Variants in THADA observed in about 807,000 individuals in gnomAD.
The protein encoded by THADA is tRNA (32-2'-O)-methyltransferase regulator THADA.
Under a neutral mutation model 219.8 loss-of-function variants are expected in THADA, and 213 were observed. That is an observed-to-expected ratio of 0.97 (90% confidence interval 0.87 to 1.09). The LOEUF (loss-of-function observed/expected upper bound fraction) is 1.09. Ranked by LOEUF, THADA falls within the 50% of genes least tolerant of loss-of-function variation. The probability of loss-of-function intolerance (pLI) is 0.00; values close to 1 mark genes in which losing one functional copy is unlikely to be tolerated. For synonymous variants in THADA, 1,018 were observed against 828.9 expected, an observed-to-expected ratio of 1.23 and a Z score of -3.92; for missense variants, 2,956 against 2,311.3, an observed-to-expected ratio of 1.28 and a Z score of -5.72.
chr2:43,260,887 T>A (rs535569738), intron 36 of THADA, among the ~76,000 whole-genome samples: 1 of 152,336 alleles, frequency 6.6e-6, no homozygotes, highest in Admixed American at 6.5e-5. Context: ...AACTTTTAAG[T>A]CTGGTATTTA....
intron 29 of THADA, among the ~76,000 whole-genome samples, chr2:43,380,905 C>T (rs145716506): frequency 9.9e-5 from 15 of 152,010 alleles, no homozygotes; most frequent in Non-Finnish European, 1.6e-4. Context: ...TCGAGACCAG[C>T]CTGGCCAACA....
chr2:43,474,871 G>C (rs944267386), intron 26 of THADA, among the ~76,000 whole-genome samples: 6 of 152,164 alleles, frequency 3.9e-5, no homozygotes, highest in African/African-American at 1.4e-4. Context: ...TTTCTCAAGA[G>C]AAGTTAGTCT....
intron 31 of THADA, among the ~76,000 whole-genome samples, chr2:43,298,886 T>C (rs959665769): frequency 6.6e-6 from 1 of 152,158 alleles, no homozygotes; most frequent in African/African-American, 2.4e-5. Flanking sequence ...GACTTGAGTA[T>C]TAACTCTTTA....
chr2:43,320,653 T>C (rs928145027), intron 30 of THADA, 113 bp from the exon 31 acceptor site: 4 of 655,058 alleles, frequency 6.1e-6, no homozygotes, highest in Non-Finnish European at 7.6e-6. Context: ...TAAGCAGCTA[T>C]GGCAAATATT....
chr2:43,550,781 C>T (rs1482185116), intron 19 of THADA, among the ~76,000 whole-genome samples: 4 of 152,134 alleles, frequency 2.6e-5, no homozygotes, highest in African/African-American at 9.7e-5. Flanking sequence ...TATAAGATTG[C>T]ATGTTCCTTA....
intron 26 of THADA, among the ~76,000 whole-genome samples, chr2:43,463,411 T>C (rs1573775113): frequency 6.6e-6 from 1 of 152,202 alleles, no homozygotes; most frequent in African/African-American, 2.4e-5. Context: ...TCAACTACCG[T>C]ATTTATATAG....
At chr2:43,247,362 A>C (rs1181361732) in intron 36 of THADA, among the ~76,000 whole-genome samples, 1 of 152,236 alleles carries the variant, frequency 6.6e-6, no homozygotes, top group African/African-American at 2.4e-5. Context: ...GGAAACAAAC[A>C]CAAAAAATAA....
chr2:43,482,553 T>C (rs1686359061), intron 26 of THADA, among the ~76,000 whole-genome samples: 1 of 152,230 alleles, frequency 6.6e-6, no homozygotes, highest in African/African-American at 2.4e-5. Flanking sequence ...GGCTATTTTG[T>C]CTCAGTTGAT....
At position 43,505,858 on chromosome 2, in the gene THADA, G is replaced by C. The variant is rs982836157; in HGVS notation, c.3508-123C>G. 1.1e-4 allele frequency: 75 copies of C among 707,118 alleles called. 1 individual carries two copies. The South Asian group carries it at 1.4e-3, about 13-fold the overall frequency. 43.8% of individuals were successfully genotyped at this position (707,118 alleles called of 1,614,324 possible). On this transcript the variant is annotated intron_variant, in intron 23 of 37. Coordinates refer to ENST00000405975, the MANE Select transcript of THADA (RefSeq NM_022065.5). ...TAAAAACATGTGGTTATCAAAGAAA[G>C]TTAATTAAGCCATGTGGCCGTGGGC...
In THADA at chr2:43,508,778, C is replaced by G. The variant is rs1277153456; in HGVS notation, c.3377G>C (p.Cys1126Ser). The G allele has an allele frequency of 6.2e-7, 1 of 1,613,116 alleles. No homozygotes were observed. Reference sequence around the variant, plus strand: ...CAGCTTTTGCAGACTCACATTTGGGCACCTAAAAGGCATATATAATCAAAT... The same window carrying G: ...CAGCTTTTGCAGACTCACATTTGGGGACCTAAAAGGCATATATAATCAAAT... ...FVKLTEVLNR[C>S]PNVSLQKLPE... is the part of the protein sequence containing the mutation. Residue 1126 changes from cysteine (C) to serine (S), a missense_variant and splice_region_variant, in exon 23 of 38, where the codon TGC becomes TCC. Transcript: ENST00000405975.
chr2:43,238,533 G>A (rs1457674247), intron 36 of THADA, among the ~76,000 whole-genome samples: 1 of 152,148 alleles, frequency 6.6e-6, no homozygotes, highest in African/African-American at 2.4e-5. Context: ...GTAAAATGGT[G>A]TAGCCACTTT....
chr2:43,454,363 G>A (rs1298380108), intron 26 of THADA, among the ~76,000 whole-genome samples: 1 of 152,112 alleles, frequency 6.6e-6, no homozygotes, highest in Non-Finnish European at 1.5e-5. Flanking sequence ...CACTTTGGGA[G>A]GCTGAGGTGG....
chr2:43,457,458 T>TGGA (rs1018522586), intron 26 of THADA, among the ~76,000 whole-genome samples: 1 of 152,156 alleles, frequency 6.6e-6, no homozygotes, highest in African/African-American at 2.4e-5. Context: ...TAAAATAATT[T>TGGA]AAAGTCAATC....
At chr2:43,409,961 G>A (rs1334613234) in intron 28 of THADA, among the ~76,000 whole-genome samples, 1 of 151,626 alleles carries the variant, frequency 6.6e-6, no homozygotes, top group Non-Finnish European at 1.5e-5. Flanking sequence ...AGGCTACAGT[G>A]AGCTGTGACT....
intron 28 of THADA, among the ~76,000 whole-genome samples, chr2:43,413,622 T>C (rs1390402208): frequency 6.6e-6 from 1 of 152,216 alleles, no homozygotes; most frequent in Non-Finnish European, 1.5e-5. Flanking sequence ...CATTGCCACT[T>C]CTTTTGGTTC....
Position 43,257,325 on chromosome 2 carries a change from G to A in THADA, c.5296+22440C>T, listed in dbSNP as rs544265304. Among the ~76,000 whole-genome samples, 19 of 152,304 alleles carry A rather than the reference G, an allele frequency of 1.2e-4. No individual in the cohort carries two copies. The South Asian group carries it at 1.5e-3, about 12-fold the overall frequency. ...AGGGAAGGCACAAGGCCCCTGGGGC[G>A]CTTGTCTCTAACCCCAAACCCTGCG... is the stretch of plus-strand genomic sequence containing the variant. On this transcript the variant is annotated intron_variant, in intron 36 of 37. Coordinates refer to ENST00000405975, the MANE Select transcript of THADA (RefSeq NM_022065.5).
intron 36 of THADA, among the ~76,000 whole-genome samples, chr2:43,271,761 T>C (rs1294401982): frequency 1.3e-5 from 2 of 151,900 alleles, no homozygotes; most frequent in Non-Finnish European, 2.9e-5. Flanking sequence ...ATTACAGGCA[T>C]GCACCACCAC....
intron 29 of THADA, among the ~76,000 whole-genome samples, chr2:43,387,093 C>G (rs1490739110): frequency 1.3e-5 from 2 of 152,130 alleles, no homozygotes; most frequent in Non-Finnish European, 2.9e-5. Context: ...GATTCATTCA[C>G]ACAGCCTCTT....
At chr2:43,590,644 C>CAAAA (rs768406325) in intron 4 of THADA, among the ~76,000 whole-genome samples, 180 bp downstream of exon 4, 4 of 59,194 alleles carry the variant, frequency 6.8e-5, no homozygotes, top group Non-Finnish European at 6.7e-5. Flanking sequence ...GACTCCGTCT[C>CAAAA]AAAAAAAAAA....
Sources: gnomAD v4.1 joint callset for allele counts (sites outside exome capture counted in the v4.1 genomes callset) on GRCh38, gnomAD v4.1.1 for gene constraint, MANE v1.5 for transcripts, NCBI Gene and HGNC (gene_info 2026-07-23, HGNC 2026-07-21) for gene names.